CELF1: variants seen among roughly 807,000 people sequenced by gnomAD.
The protein encoded by CELF1 is CUGBP Elav-like family member 1.
In CELF1, 10 loss-of-function variants were observed where a neutral mutation model predicts 61.8. The observed-to-expected ratio is 0.16, with a 90% CI of 0.10 to 0.27. CELF1 has a LOEUF of 0.27. Among genes scored for constraint, CELF1 ranks in the 10% least tolerant of loss-of-function variants. The pLI is 1.00. For synonymous variants in CELF1, 236 were observed against 225.1 expected, an observed-to-expected ratio of 1.05 and a Z score of -0.43; for missense variants, 380 against 639.1, an observed-to-expected ratio of 0.59 and a Z score of 4.37.
chr11:47,552,559 G>A (rs969356649), intron 1 of CELF1, among the ~76,000 whole-genome samples: 1 of 152,210 alleles, frequency 6.6e-6, no homozygotes, highest in African/African-American at 2.4e-5. Flanking sequence ...GCACCCACAG[G>A]AGTGGACACT....
intron 1 of CELF1, among the ~76,000 whole-genome samples, chr11:47,547,883 TGA>T (rs1374433687): frequency 6.6e-6 from 1 of 151,918 alleles, no homozygotes; most frequent in Non-Finnish European, 1.5e-5. Context: ...AGGGGAAAAT[TGA>T]GAGTTATTGC....
chr11:47,504,902 C>CAAAAAAAAAAAAAAAAAAAAAAA (rs374401044), intron 1 of CELF1, among the ~76,000 whole-genome samples: 1 of 107,932 alleles, frequency 9.3e-6, no homozygotes, highest in Non-Finnish European at 1.9e-5. Context: ...ACTCTGTCAC[C>CAAAAAAAAAAAAAAAAAAAAAAA]AAAAAAAAAA....
chr11:47,468,304 G>A lies in CELF1; in HGVS notation c.*3926C>T, dbSNP rs1028178766. 5 of 152,322 alleles carry A rather than the reference G, an allele frequency of 3.3e-5. No homozygotes were observed. Among genetic ancestry groups the A allele is most frequent in the Non-Finnish European group, 5.9e-5 (4 of 68,026 alleles). 9.4% of individuals were successfully genotyped at this position (152,322 alleles called of 1,614,324 possible). On this transcript the variant is annotated 3_prime_UTR_variant, in exon 15 of 15. Transcript: ENST00000687097. ...GGGGGTTCAGGTGCTCTCCGCAGTTGAGAACTCAGAAGAAAAACAAAAGAA... is the reference window on the plus strand; with the variant it reads ...GGGGGTTCAGGTGCTCTCCGCAGTTAAGAACTCAGAAGAAAAACAAAAGAA...
At chr11:47,553,185 G>A (rs1194188077), upstream of CELF1, 9 of 392,566 alleles carry the variant, frequency 2.3e-5, no homozygotes, top group African/African-American at 8.3e-5. Context: ...GGCAGAGGAG[G>A]AGGGGGAGCG....
chr11:47,494,883 G>GCTA (rs1433364748), intron 3 of CELF1, among the ~76,000 whole-genome samples: 1 of 152,232 alleles, frequency 6.6e-6, no homozygotes, highest in African/African-American at 2.4e-5. Context: ...GTGGCTAGTG[G>GCTA]CTACTGTATG....
intron 1 of CELF1, among the ~76,000 whole-genome samples, chr11:47,547,865 C>T (rs2097016886): frequency 1.3e-5 from 2 of 151,842 alleles, no homozygotes; most frequent in Admixed American, 1.3e-4. Context: ...CTACCAGAGG[C>T]TGGGGGGAGG....
At chr11:47,501,736 T>C (rs1028242764) in intron 1 of CELF1, among the ~76,000 whole-genome samples, 13 of 151,882 alleles carry the variant, frequency 8.6e-5, no homozygotes, top group African/African-American at 2.4e-4. Context: ...GGCAGGAGAA[T>C]AGCTTGAACC....
At chr11:47,534,721 C>T (rs1168453100) in intron 1 of CELF1, among the ~76,000 whole-genome samples, 1 of 152,012 alleles carries the variant, frequency 6.6e-6, no homozygotes, top group African/African-American at 2.4e-5. Flanking sequence ...GAGCGAGACT[C>T]CATCTCAAAA....
At chr11:47,493,355 A>AT (rs1257177257) in intron 3 of CELF1, among the ~76,000 whole-genome samples, 1 of 150,294 alleles carries the variant, frequency 6.7e-6, no homozygotes, top group Non-Finnish European at 1.5e-5. Context: ...AAAAAAAAAA[A>AT]AAATTAGCTG....
Position 47,487,335 on chromosome 11 carries a change from G to C in CELF1, c.260-94C>G, listed in dbSNP as rs575982003. ...CACTGACAGATCAGATCTTAAAAGA[G>C]GGCTGGGTTTATTAAAATTAGTGAG... is the stretch of plus-strand genomic sequence containing the variant. On this transcript the variant is annotated intron_variant, in intron 4 of 14. Coordinates refer to ENST00000687097, the MANE Select transcript of CELF1 (RefSeq NM_001376376.1). 29 of 903,960 alleles carry C rather than the reference G, an allele frequency of 3.2e-5. No individual in the cohort carries two copies. The East Asian group carries it at 5.5e-4, about 17-fold the overall frequency. The allele number at this position is 903,960 out of a possible 1,614,324, so 56.0% of individuals were successfully genotyped here.
chr11:47,530,093 C>T (rs934919329), intron 1 of CELF1, among the ~76,000 whole-genome samples: 14 of 152,224 alleles, frequency 9.2e-5, no homozygotes, highest in South Asian at 4.1e-4. Context: ...CATCGCACTG[C>T]GCATATTGTA....
intron 2 of CELF1, chr11:47,499,877 C>G (rs2093681495): frequency 5.3e-6 from 1 of 187,956 alleles, no homozygotes; most frequent in Non-Finnish European, 1.1e-5. Context: ...GCTAACAGAG[C>G]AGAAGAAACA....
intron 5 of CELF1, 147 bp from the exon 6 acceptor site, chr11:47,486,945 G>GT: frequency 1.3e-6 from 1 of 760,070 alleles, no homozygotes. Context: ...AAAACAGAAT[G>GT]TGAGTCAAGA....
At chr11:47,542,777 C>T (rs946213347) in intron 1 of CELF1, among the ~76,000 whole-genome samples, 2 of 152,066 alleles carry the variant, frequency 1.3e-5, no homozygotes, top group Non-Finnish European at 2.9e-5. Context: ...GGATTAAAGG[C>T]GTGAGCCACC....
chr11:47,529,364 C>T (rs1046775621), intron 1 of CELF1, among the ~76,000 whole-genome samples: 5 of 151,516 alleles, frequency 3.3e-5, no homozygotes, highest in African/African-American at 7.3e-5. Context: ...GCCCGGGTAA[C>T]GTGGCGAAAC....
intron 3 of CELF1, chr11:47,494,428 T>A (rs1337778325): frequency 1.0e-6 from 1 of 983,204 alleles, no homozygotes; most frequent in African/African-American, 1.7e-5. Flanking sequence ...TCTACCTTGA[T>A]TTCTGCTGAA....
At chr11:47,554,793 C>T (rs1230580023), upstream of CELF1, among the ~76,000 whole-genome samples, 1 of 151,896 alleles carries the variant, frequency 6.6e-6, no homozygotes. Context: ...TCCCGAGTAG[C>T]TGGGATTACA....
At chr11:47,496,085 C>G in intron 3 of CELF1, 2 of 714,270 alleles carry the variant, frequency 2.8e-6, no homozygotes, top group Non-Finnish European at 3.4e-6. Flanking sequence ...TAAAAAGGGC[C>G]CAGAAACACT....
chr11:47,528,681 A>T (rs2096351291), intron 1 of CELF1, among the ~76,000 whole-genome samples: 2 of 152,124 alleles, frequency 1.3e-5, no homozygotes, highest in African/African-American at 4.8e-5. Context: ...CAAGAGTTTG[A>T]GACCTGCCTG....
Sources: gnomAD v4.1 joint callset for allele counts (sites outside exome capture counted in the v4.1 genomes callset) on GRCh38, gnomAD v4.1.1 for gene constraint, MANE v1.5 for transcripts, NCBI Gene and HGNC (gene_info 2026-07-23, HGNC 2026-07-21) for gene names.